CSMD1: variants seen among roughly 807,000 people sequenced by gnomAD.
CSMD1 encodes the protein CUB and sushi domain-containing protein 1.
Under a neutral mutation model 417.5 loss-of-function variants are expected in CSMD1, and 213 were observed. That is an observed-to-expected ratio of 0.51 (90% CI 0.46 to 0.57). The LOEUF (loss-of-function observed/expected upper bound fraction) is 0.57, where lower values mean the gene tolerates loss of function less well. CSMD1 is among the 20% of genes least tolerant of loss of function. The probability of loss-of-function intolerance (pLI) is 0.00; values close to 1 mark genes in which losing one functional copy is unlikely to be tolerated. For synonymous variants in CSMD1, 2,862 were observed against 1,736.8 expected (o/e 1.65, Z -16.11); for missense variants, 6,923 against 4,529.7 (o/e 1.53, Z -15.17).
chr8:4,325,742 G>C (rs566711672), intron 3 of CSMD1, among the ~76,000 whole-genome samples: 2 of 152,060 alleles, frequency 1.3e-5, no homozygotes, highest in Non-Finnish European at 2.9e-5. Context: ...GAGAAGGCGT[G>C]AATGTTATTC....
At chr8:3,613,344 A>C in intron 8 of CSMD1, 1 of 400,176 alleles carries the variant, frequency 2.5e-6, no homozygotes. Context: ...TAGCAATGAA[A>C]TATTAACAAT....
intron 3 of CSMD1, among the ~76,000 whole-genome samples, chr8:4,064,105 C>A (rs1054732402): frequency 1.3e-5 from 2 of 152,150 alleles, no homozygotes; most frequent in Non-Finnish European, 2.9e-5. Context: ...TACTCTCCTG[C>A]AGCAAAGGGT....
chr8:3,718,299 T>TC (rs1419765616), intron 6 of CSMD1, among the ~76,000 whole-genome samples: 4 of 151,978 alleles, frequency 2.6e-5, no homozygotes, highest in African/African-American at 9.7e-5. Flanking sequence ...TTCCTGCATT[T>TC]TTTTTATTGG....
intron 6 of CSMD1, among the ~76,000 whole-genome samples, chr8:3,749,077 A>G (rs1476183396): frequency 6.6e-6 from 1 of 152,154 alleles, no homozygotes; most frequent in Non-Finnish European, 1.5e-5. Flanking sequence ...TTTAGTAGTG[A>G]GGGGGCCCTC....
chr8:3,424,031 T>C (rs2116989301), intron 12 of CSMD1, among the ~76,000 whole-genome samples: 1 of 152,322 alleles, frequency 6.6e-6, no homozygotes, highest in South Asian at 2.1e-4. Context: ...TTCCGTACCA[T>C]TTTAAAAAAA....
chr8:4,204,595 A>G (rs1408670194), intron 3 of CSMD1, among the ~76,000 whole-genome samples: 1 of 152,208 alleles, frequency 6.6e-6, no homozygotes, highest in Non-Finnish European at 1.5e-5. Flanking sequence ...TGACAAAAAT[A>G]ATTGCATAAA....
At chr8:4,848,543 T>C (rs1801280364) in intron 1 of CSMD1, among the ~76,000 whole-genome samples, 1 of 138,848 alleles carries the variant, frequency 7.2e-6, no homozygotes, top group Non-Finnish European at 1.6e-5. Context: ...TACATAATGC[T>C]TTTTTTTTTT....
At position 4,328,884 on chromosome 8, in the gene CSMD1, A is replaced by G. The variant is rs191085419; in HGVS notation, c.415+91069T>C. Among the ~76,000 whole-genome samples the G allele has an allele frequency of 1.4e-3, 220 of 152,336 alleles. 1 individual carries two copies. The highest frequency in any genetic ancestry group is 4.9e-3 in the African/African-American group (204 of 41,596). On this transcript the variant is annotated intron_variant, in intron 3 of 69. Coordinates refer to ENST00000635120, the MANE Select transcript of CSMD1 (RefSeq NM_033225.6). Reference sequence around the variant, plus strand: ...TAACTGAAACTCATAAAATGTCCTCATAACATTCATTTGTATATATTGGTA... The same window carrying G: ...TAACTGAAACTCATAAAATGTCCTCGTAACATTCATTTGTATATATTGGTA...
At chr8:4,010,551 C>G (rs1435917014) in intron 4 of CSMD1, among the ~76,000 whole-genome samples, 2 of 152,126 alleles carry the variant, frequency 1.3e-5, no homozygotes, top group Non-Finnish European at 2.9e-5. Flanking sequence ...TATCTTCTCA[C>G]TACCAGTAAG....
Position 4,077,297 on chromosome 8 carries a change from GTATATATA to G in CSMD1, c.416-45206_416-45199del, listed in dbSNP as rs200304943. 2.6e-3 allele frequency among the ~76,000 whole-genome samples: 315 copies of G among 121,218 alleles called. 5 individuals are homozygous for G. Among genetic ancestry groups the G allele is most frequent in the East Asian group, 0.024 (109 of 4,476 alleles). The allele number at this position is 121,218 out of a possible 152,430, so 79.5% of individuals were successfully genotyped here. On this transcript the variant is annotated intron_variant, in intron 3 of 69. Coordinates refer to ENST00000635120, the MANE Select transcript of CSMD1 (RefSeq NM_033225.6). Reference sequence around the variant, plus strand: ...TTGTCACCTATATATATATATATGTGTATATATATATATATATATATATATGGTAGACA... The same window carrying G: ...TTGTCACCTATATATATATATATGTGTATATATATATATATATGGTAGACA...
At chr8:3,264,067 A>C (rs1208412987) in intron 26 of CSMD1, among the ~76,000 whole-genome samples, 1 of 152,206 alleles carries the variant, frequency 6.6e-6, no homozygotes, top group Non-Finnish European at 1.5e-5. Flanking sequence ...TTGAAAATTC[A>C]AACTTTATTT....
chr8:4,379,824 G>C (rs1802988781), intron 3 of CSMD1, among the ~76,000 whole-genome samples: 1 of 152,212 alleles, frequency 6.6e-6, no homozygotes, highest in African/African-American at 2.4e-5. Context: ...GGTAAGTACT[G>C]TTTGCTGAAA....
intron 1 of CSMD1, among the ~76,000 whole-genome samples, chr8:4,915,577 G>A (rs1338191984): frequency 1.3e-5 from 2 of 152,228 alleles, no homozygotes; most frequent in African/African-American, 4.8e-5. Context: ...TAGAGGGCAG[G>A]AGCAGGGACA....
chr8:4,830,842 GC>G (rs1800109478), intron 1 of CSMD1, among the ~76,000 whole-genome samples: 1 of 152,172 alleles, frequency 6.6e-6, no homozygotes, highest in African/African-American at 2.4e-5. Flanking sequence ...AGAGAAATCA[GC>G]TAAGTGAAGA....
chr8:3,192,077 A>C (rs1796458074), intron 33 of CSMD1, among the ~76,000 whole-genome samples: 1 of 152,216 alleles, frequency 6.6e-6, no homozygotes, highest in African/African-American at 2.4e-5. Flanking sequence ...CAGTTCCATG[A>C]AAACGGAAAT....
At chr8:4,414,816 A>T (rs901870932) in intron 3 of CSMD1, among the ~76,000 whole-genome samples, 3 of 152,074 alleles carry the variant, frequency 2.0e-5, no homozygotes, top group African/African-American at 7.2e-5. Context: ...TTTTCCTTAG[A>T]GTTAGTTATT....
intron 30 of CSMD1, among the ~76,000 whole-genome samples, chr8:3,213,359 T>C (rs563099155): frequency 1.1e-4 from 17 of 152,186 alleles, no homozygotes; most frequent in African/African-American, 3.9e-4. Flanking sequence ...AAGTCAAGGG[T>C]CCACAGCCTG....
At position 4,478,785 on chromosome 8, in the gene CSMD1, T is replaced by A. The variant is rs528445953; in HGVS notation, c.303-58720A>T. 4.3e-4 allele frequency among the ~76,000 whole-genome samples: 66 copies of A among 152,352 alleles called. 3 individuals are homozygous for A. The South Asian group carries it at 0.012, about 29-fold the overall frequency. On this transcript the variant is annotated intron_variant, in intron 2 of 69. Transcript: ENST00000635120. ...AATATGTAACAAATTTTAATGGCAT[T>A]CAAAATATTTAAATATTCTTTGGAG...
chr8:3,966,283 G>GA (rs1280682634), intron 5 of CSMD1, among the ~76,000 whole-genome samples: 1 of 152,156 alleles, frequency 6.6e-6, no homozygotes, highest in Non-Finnish European at 1.5e-5. Context: ...TGAATGCAGA[G>GA]GGGCTTGGAC....
Sources: gnomAD v4.1 joint callset for allele counts (sites outside exome capture counted in the v4.1 genomes callset) on GRCh38, gnomAD v4.1.1 for gene constraint, MANE v1.5 for transcripts, NCBI Gene and HGNC (gene_info 2026-07-23, HGNC 2026-07-21) for gene names.